The following PCDHA1 variants were observed in gnomAD, a reference collection of about 807,000 sequenced individuals.
PCDHA1 encodes the protein protocadherin alpha 1, also known as protocadherin alpha-1.
Under a neutral mutation model 61.3 loss-of-function variants are expected in PCDHA1, and 42 were observed. That is an observed-to-expected ratio of 0.69 (90% CI 0.54 to 0.89). PCDHA1 has a LOEUF of 0.89. Ranked by LOEUF, PCDHA1 falls within the 40% of genes least tolerant of loss-of-function variation. PCDHA1 has a pLI of 0.00. For synonymous variants in PCDHA1, 610 were observed against 553.8 expected, an observed-to-expected ratio of 1.10 and a Z score of -1.43; for missense variants, 1,256 against 1,235.3, an observed-to-expected ratio of 1.02 and a Z score of -0.25.
chr5:140,823,279 C>T lies in PCDHA1; in HGVS notation c.2394+34595C>T, dbSNP rs140654699. 29 of 1,612,318 alleles carry T rather than the reference C, an allele frequency of 1.8e-5. No homozygotes were observed. The highest frequency in any genetic ancestry group is 2.2e-5 in the Non-Finnish European group (26 of 1,179,758). On this transcript the variant is annotated intron_variant, in intron 1 of 3. Coordinates refer to ENST00000504120, the MANE Select transcript of PCDHA1 (RefSeq NM_018900.4). ...GGTGGAGCGGCGGGTGGGCGAGCGC[C>T]CGCTGTCGAGTTACGTTTCGGTGCA...
chr5:140,954,016 A>G (rs246027), intron 1 of PCDHA1, among the ~76,000 whole-genome samples: 85,628 of 151,968 alleles, frequency 0.56, 24,747 homozygotes, highest in African/African-American at 0.69. Context: ...GCTCCCACAC[A>G]TAGTGGGACG....
chr5:140,926,464 A>C (rs1445781673), intron 1 of PCDHA1: 1 of 159,892 alleles, frequency 6.3e-6, no homozygotes, highest in Non-Finnish European at 1.4e-5. Flanking sequence ...TGTCCTAGAA[A>C]ACACCGTTTA....
chr5:140,871,309 C>G (rs1554165416), intron 1 of PCDHA1: 1 of 1,614,028 alleles, frequency 6.2e-7, no homozygotes. Flanking sequence ...GCCGGGGAAG[C>G]CCACGCTGGT....
At chr5:140,883,952 G>C (rs782014250) in intron 1 of PCDHA1, 17 of 1,613,030 alleles carry the variant, frequency 1.1e-5, no homozygotes, top group Non-Finnish European at 1.4e-5. Context: ...GAACGACAAC[G>C]CTCCGGCGCT....
chr5:140,900,143 G>C (rs1198470231), intron 1 of PCDHA1, among the ~76,000 whole-genome samples: 2 of 152,156 alleles, frequency 1.3e-5, no homozygotes, highest in African/African-American at 2.4e-5. Flanking sequence ...AAATAAGTAA[G>C]AACATACGAT....
In PCDHA1 at chr5:140,850,346, C is replaced by A. The variant is rs2150480590; in HGVS notation, c.2394+61662C>A. On this transcript the variant is annotated intron_variant, in intron 1 of 3. Transcript: ENST00000504120. ...ACGAGCTGCAGCCAGAAACGGCCAGCGCGAGCATCCCGTTCCGCGTGGGGC... is the reference window on the plus strand; with the variant it reads ...ACGAGCTGCAGCCAGAAACGGCCAGAGCGAGCATCCCGTTCCGCGTGGGGC... 9 of 1,597,626 alleles carry A rather than the reference C, an allele frequency of 5.6e-6. 1 individual carries two copies. In the East Asian group the frequency reaches 2.0e-4, roughly 36 times the overall value.
intron 1 of PCDHA1, chr5:140,882,420 A>G: frequency 1.2e-6 from 2 of 1,614,046 alleles, no homozygotes; most frequent in Non-Finnish European, 1.7e-6. Flanking sequence ...ATCGCTCAGG[A>G]CCTGGGGCTG....
In PCDHA1 at chr5:140,991,838, G is replaced by A. The variant is rs1056330823; in HGVS notation, c.2542+9275G>A. 3.3e-5 allele frequency among the ~76,000 whole-genome samples: 5 copies of A among 152,110 alleles called. No homozygotes were observed. In the East Asian group the frequency reaches 9.6e-4, roughly 29 times the overall value. ...TTTAGGCATTTATAACGGCAGAACC[G>A]CACTTCCAGATACCAAAATCTGTAT... On this transcript the variant is annotated intron_variant, in intron 3 of 3. Transcript: ENST00000504120.
At chr5:140,797,058 G>A (rs782701427) in intron 1 of PCDHA1, 4 of 1,613,782 alleles carry the variant, frequency 2.5e-6, no homozygotes, top group East Asian at 2.2e-5. Flanking sequence ...ATGTCAACGT[G>A]TACCTGATCA....
intron 1 of PCDHA1, chr5:140,836,538 A>T: frequency 6.2e-7 from 1 of 1,613,734 alleles, no homozygotes; most frequent in Non-Finnish European, 8.5e-7. Context: ...GCTGCTGTAC[A>T]CGGCGTTGCG....
At chr5:140,823,490 C>T (rs2150126315) in intron 1 of PCDHA1, 6 of 1,613,236 alleles carry the variant, frequency 3.7e-6, no homozygotes, top group Admixed American at 1.7e-5. Context: ...GTGGGTGGCA[C>T]CGGCGGCGCA....
At chr5:140,827,914 G>C (rs1479544494) in intron 1 of PCDHA1, 1 of 863,992 alleles carries the variant, frequency 1.2e-6, no homozygotes, top group African/African-American at 1.7e-5. Flanking sequence ...GCATGATGTC[G>C]CTGTCTACCA....
At chr5:140,835,895 G>T in intron 1 of PCDHA1, 1 of 1,612,076 alleles carries the variant, frequency 6.2e-7, no homozygotes, top group Non-Finnish European at 8.5e-7. Flanking sequence ...AGCGCGCGCT[G>T]TCGAGCTACG....
intron 1 of PCDHA1, among the ~76,000 whole-genome samples, chr5:140,899,477 A>G (rs1309385245): frequency 3.3e-5 from 5 of 152,210 alleles, no homozygotes; most frequent in Non-Finnish European, 5.9e-5. Context: ...GGTTCTGTTT[A>G]TATGCTGGAT....
intron 1 of PCDHA1, chr5:140,807,660 C>T (rs1307238729): frequency 1.1e-5 from 17 of 1,614,106 alleles, no homozygotes; most frequent in Non-Finnish European, 1.4e-5. Flanking sequence ...GAGGGCGCCT[C>T]GGATGCAGAT....
intron 1 of PCDHA1, chr5:140,927,149 T>C: frequency 1.2e-6 from 2 of 1,614,168 alleles, no homozygotes; most frequent in Non-Finnish European, 1.7e-6. Context: ...CGCGAACAGC[T>C]GTGCAGGGCC....
At chr5:140,820,167 G>T (rs1396971476) in intron 1 of PCDHA1, among the ~76,000 whole-genome samples, 1 of 151,812 alleles carries the variant, frequency 6.6e-6, no homozygotes, top group Non-Finnish European at 1.5e-5. Context: ...AAACTATTAG[G>T]CAAATAGTCT....
chr5:140,835,941 CT>C (rs2150248742), intron 1 of PCDHA1: 13 of 1,612,538 alleles, frequency 8.1e-6, no homozygotes, highest in Non-Finnish European at 1.1e-5. Flanking sequence ...GGTGTACGCG[CT>C]GCAGCCGTTG....
intron 1 of PCDHA1, among the ~76,000 whole-genome samples, chr5:140,890,494 C>A (rs1554184398): frequency 1.3e-5 from 2 of 152,064 alleles, no homozygotes; most frequent in South Asian, 4.1e-4. Context: ...TTTGTCTCAC[C>A]ATTTTTATGT....
Sources: allele counts gnomAD v4.1 joint callset (sites outside exome capture counted in the v4.1 genomes callset), GRCh38; gene constraint gnomAD v4.1.1; transcripts MANE v1.5; gene names NCBI Gene and HGNC (gene_info 2026-07-23, HGNC 2026-07-21).